The following EEF2K variants were observed in gnomAD, a reference collection of about 807,000 sequenced individuals.
EEF2K encodes eukaryotic elongation factor 2 kinase.
EEF2K carries 70 observed loss-of-function variants against 93.8 expected under a neutral mutation model. The ratio of observed to expected loss-of-function variants is 0.75; its 90% CI spans 0.62 to 0.91. The LOEUF is 0.91. Ranked by LOEUF, EEF2K falls within the 40% of genes least tolerant of loss-of-function variation. The pLI is 0.00. For synonymous variants in EEF2K, 376 were observed against 380.8 expected (o/e 0.99, Z 0.15); for missense variants, 935 against 972.9 (o/e 0.96, Z 0.52).
chr16:22,277,525 T>C (rs192191165), intron 16 of EEF2K, among the ~76,000 whole-genome samples: 1 of 152,308 alleles, frequency 6.6e-6, no homozygotes, highest in Admixed American at 6.5e-5. Context: ...CAGACATTTA[T>C]TGACACTATG....
intron 2 of EEF2K, among the ~76,000 whole-genome samples, chr16:22,228,772 G>A (rs181502699): frequency 6.6e-6 from 1 of 152,188 alleles, no homozygotes; most frequent in Non-Finnish European, 1.5e-5. Context: ...CTCGAGCTTC[G>A]GGGTAAGGGA....
intron 3 of EEF2K, among the ~76,000 whole-genome samples, chr16:22,246,509 C>T (rs1176213479): frequency 3.7e-5 from 4 of 109,366 alleles, no homozygotes; most frequent in African/African-American, 1.1e-4. Context: ...GAGTGAGACT[C>T]AGTCTTAAAA....
chr16:22,266,656 C>T (rs1486486460), intron 14 of EEF2K, 32 bp from the exon 15 acceptor site: 35 of 1,588,490 alleles, frequency 2.2e-5, no homozygotes, highest in Non-Finnish European at 3.0e-5. Flanking sequence ...GCCCGCCAGA[C>T]AGCCAGGCCG....
intron 15 of EEF2K, among the ~76,000 whole-genome samples, chr16:22,269,932 G>T (rs577856323): frequency 2.0e-5 from 3 of 151,418 alleles, no homozygotes; most frequent in Non-Finnish European, 4.4e-5. Flanking sequence ...TTACCTCAGT[G>T]GTATAGAGAT....
chr16:22,225,239 C>T (rs771887363), intron 1 of EEF2K, among the ~76,000 whole-genome samples: 16 of 152,032 alleles, frequency 1.1e-4, no homozygotes, highest in Non-Finnish European at 2.2e-4. Flanking sequence ...CAGCCAGGGC[C>T]GGAGGAGAAG....
Position 22,251,182 on chromosome 16 carries a change from C to G in EEF2K, c.478C>G (p.Gln160Glu). ...GCTCTCCAACTTCTTGCATGCCCAG[C>G]AGTGGAAGGGCGCCTCCAACTACGT... ...KKLSNFLHAQQWKGASNYVAK... is the reference protein window; with the variant it reads ...KKLSNFLHAQEWKGASNYVAK... The change falls in exon 6 of 18, where the codon CAG (glutamine) becomes GAG (glutamate). Residue 160 changes from glutamine (Q) to glutamate (E), a missense_variant. Coordinates refer to ENST00000263026, the MANE Select transcript of EEF2K (RefSeq NM_013302.5). 1.9e-6 allele frequency: 3 copies of G among 1,614,090 alleles called. No individual in the cohort carries two copies. The South Asian group carries it at 3.3e-5, about 18-fold the overall frequency.
At chr16:22,238,003 G>T (rs772894161) in intron 2 of EEF2K, among the ~76,000 whole-genome samples, 2 of 152,060 alleles carry the variant, frequency 1.3e-5, no homozygotes, top group Admixed American at 1.3e-4. Context: ...CTTAGAAATT[G>T]CCCATGCTGG....
At chr16:22,231,320 G>A (rs550008716) in intron 2 of EEF2K, among the ~76,000 whole-genome samples, 258 of 151,582 alleles carry the variant, frequency 1.7e-3, no homozygotes, top group African/African-American at 6.1e-3. Context: ...GTTTCACCAC[G>A]TTGGCCAGGC....
chr16:22,249,348 A>T (rs1203816997), intron 4 of EEF2K, among the ~76,000 whole-genome samples: 1 of 152,078 alleles, frequency 6.6e-6, no homozygotes, highest in Non-Finnish European at 1.5e-5. Context: ...TTCCCTGCAT[A>T]TTGAAGTTAG....
At chr16:22,280,905 G>A (rs1405361358) in intron 17 of EEF2K, among the ~76,000 whole-genome samples, 2 of 149,810 alleles carry the variant, frequency 1.3e-5, no homozygotes, top group African/African-American at 2.5e-5. Context: ...TCAAGTGATC[G>A]GCCCACCTCG....
chr16:22,229,628 G>A (rs2047096650), intron 2 of EEF2K, among the ~76,000 whole-genome samples: 1 of 152,194 alleles, frequency 6.6e-6, no homozygotes, highest in African/African-American at 2.4e-5. Flanking sequence ...TTGAACCCAG[G>A]AGGCGGAGGT....
At chr16:22,271,605 C>T (rs922845681) in intron 15 of EEF2K, among the ~76,000 whole-genome samples, 5 of 151,010 alleles carry the variant, frequency 3.3e-5, no homozygotes, top group African/African-American at 7.3e-5. Flanking sequence ...GAGAGTGAGG[C>T]GGGAGGATAA....
At chr16:22,227,318 G>C (rs2047074530) in intron 2 of EEF2K, among the ~76,000 whole-genome samples, 1 of 152,120 alleles carries the variant, frequency 6.6e-6, no homozygotes, top group African/African-American at 2.4e-5. Flanking sequence ...CCGCCTCCTG[G>C]GTTCAAGTGA....
rs543971345 is a variant in EEF2K, at chr16:22,283,196, C to G, written c.2069-691C>G. On this transcript the variant is annotated intron_variant, in intron 17 of 17. Coordinates refer to ENST00000263026, the MANE Select transcript of EEF2K (RefSeq NM_013302.5). ...TGGTGGCAGGTGCCTGTAATCCCAG[C>G]TACTCAGGAGGCTGAGGCAGGAGAA... Among the ~76,000 whole-genome samples, 5 of 151,138 alleles carry G rather than the reference C, an allele frequency of 3.3e-5. No individual in the cohort carries two copies. The East Asian group carries it at 5.9e-4, about 18-fold the overall frequency.
intron 2 of EEF2K, among the ~76,000 whole-genome samples, chr16:22,242,762 A>T (rs2047236840): frequency 6.6e-6 from 1 of 152,142 alleles, no homozygotes; most frequent in Non-Finnish European, 1.5e-5. Flanking sequence ...CCTGCATCCC[A>T]CAAGATCTTG....
Position 22,257,351 on chromosome 16 carries a change from G to A in EEF2K, c.867G>A (p.Thr289=), listed in dbSNP as rs772364924. 2.2e-5 allele frequency: 36 copies of A among 1,613,836 alleles called. No individual in the cohort carries two copies. Among genetic ancestry groups the A allele is most frequent in the East Asian group, 8.9e-5 (4 of 44,882 alleles). The change falls in exon 8 of 18, where the codon ACG becomes ACA. Residue 289 remains threonine, a synonymous_variant. Transcript: ENST00000263026. ...TCTACACTGACCCACAGATCCACAC[G>A]GAGACGGGCACTGACTTTGGAGACG... ...GDLYTDPQIH[T]ETGTDFGDGN...
intron 1 of EEF2K, among the ~76,000 whole-genome samples, chr16:22,210,821 G>A (rs1024666894): frequency 6.6e-6 from 1 of 152,130 alleles, no homozygotes; most frequent in African/African-American, 2.4e-5. Context: ...AGAGGGCATA[G>A]CATGTTCAGA....
rs940368242 is a variant in EEF2K, at chr16:22,212,306, A to G, written c.-77+5627A>G. Among the ~76,000 whole-genome samples the G allele has an allele frequency of 2.6e-5, 4 of 152,008 alleles. No individual in the cohort carries two copies. The East Asian group carries it at 7.7e-4, about 29-fold the overall frequency. ...GCAGCAGGTTGCTGTTTACATCGGTAAGTTGATTTCTCTGTCTCTTTCTTT... is the reference window on the plus strand; with the variant it reads ...GCAGCAGGTTGCTGTTTACATCGGTGAGTTGATTTCTCTGTCTCTTTCTTT... On this transcript the variant is annotated intron_variant, in intron 1 of 17. Coordinates refer to ENST00000263026, the MANE Select transcript of EEF2K (RefSeq NM_013302.5).
chr16:22,233,436 T>C (rs2047135563), intron 2 of EEF2K, among the ~76,000 whole-genome samples: 1 of 152,106 alleles, frequency 6.6e-6, no homozygotes, highest in Admixed American at 6.6e-5. Flanking sequence ...CCTAGGACTT[T>C]TGGCGGCCGA....
Sources: allele counts gnomAD v4.1 joint callset (sites outside exome capture counted in the v4.1 genomes callset), GRCh38; gene constraint gnomAD v4.1.1; transcripts MANE v1.5; gene names NCBI Gene and HGNC (gene_info 2026-07-23, HGNC 2026-07-21).